BCR: variants seen among roughly 807,000 people sequenced by gnomAD.
BCR encodes BCR activator of RhoGEF and GTPase.
Under a neutral mutation model 138.6 loss-of-function variants are expected in BCR, and 58 were observed. The ratio of observed to expected loss-of-function variants is 0.42; its 90% CI spans 0.34 to 0.52. The LOEUF is 0.52. Ranked by LOEUF, BCR falls within the 20% of genes least tolerant of loss-of-function variation. BCR has a pLI of 0.06. For synonymous variants in BCR, 786 were observed against 730.1 expected (o/e 1.08, Z -1.23); for missense variants, 1,599 against 1,727.2 (o/e 0.93, Z 1.32).
intron 1 of BCR, among the ~76,000 whole-genome samples, chr22:23,224,703 G>A (rs2072867343): frequency 6.6e-6 from 1 of 152,190 alleles, no homozygotes; most frequent in African/African-American, 2.4e-5. Flanking sequence ...CCCACACAGT[G>A]AAACCCTGTC....
chr22:23,268,319 T>C, intron 4 of BCR, 89 bp from the exon 5 acceptor site: 3 of 1,068,862 alleles, frequency 2.8e-6, no homozygotes, highest in Non-Finnish European at 4.0e-6. Flanking sequence ...CCCTGGAGTT[T>C]CTGCAGAGCT....
At chr22:23,230,052 CT>C (rs3054871) in intron 1 of BCR, among the ~76,000 whole-genome samples, 55 of 145,880 alleles carry the variant, frequency 3.8e-4, no homozygotes, top group Non-Finnish European at 3.2e-4. Context: ...CTGTTTGGTT[CT>C]TTTTTTTTTT....
intron 1 of BCR, among the ~76,000 whole-genome samples, chr22:23,246,231 C>A (rs117484242): frequency 0.024 from 3,665 of 152,124 alleles, 69 homozygotes; most frequent in Non-Finnish European, 0.037. Context: ...TCAAGACCAG[C>A]CTAGGCAACA....
At chr22:23,310,748 C>T (rs540177741) in intron 18 of BCR, among the ~76,000 whole-genome samples, 7 of 152,164 alleles carry the variant, frequency 4.6e-5, no homozygotes, top group African/African-American at 1.2e-4. Context: ...CCCTTTGTCA[C>T]GAGTCAGTTG....
intron 1 of BCR, among the ~76,000 whole-genome samples, chr22:23,227,664 C>T (rs2072909962): frequency 6.6e-6 from 1 of 152,236 alleles, no homozygotes; most frequent in Non-Finnish European, 1.5e-5. Context: ...TTTCAGCATT[C>T]TCTCTCCTGT....
At chr22:23,260,668 G>A (rs760296225) in intron 2 of BCR, among the ~76,000 whole-genome samples, 11 of 152,222 alleles carry the variant, frequency 7.2e-5, no homozygotes, top group Non-Finnish European at 1.2e-4. Context: ...GGGAGGCCTG[G>A]CCCAGCCTGC....
At chr22:23,305,726 G>T (rs1225407932) in intron 16 of BCR, among the ~76,000 whole-genome samples, 1 of 152,184 alleles carries the variant, frequency 6.6e-6, no homozygotes, top group Non-Finnish European at 1.5e-5. Flanking sequence ...CCCAGTCCAG[G>T]GGGAGAGGAG....
chr22:23,245,938 G>A (rs936190212), intron 1 of BCR, among the ~76,000 whole-genome samples: 3 of 152,160 alleles, frequency 2.0e-5, no homozygotes, highest in East Asian at 3.9e-4. Context: ...AAACATTTTC[G>A]TCACCCCAGA....
chr22:23,273,936 T>C (rs1040103187), intron 8 of BCR, among the ~76,000 whole-genome samples, 162 bp downstream of exon 8: 2 of 152,242 alleles, frequency 1.3e-5, no homozygotes, highest in African/African-American at 4.8e-5. Flanking sequence ...GGAAGGTGTC[T>C]GGGTGCAGTC....
chr22:23,180,631 G>A lies in BCR; in HGVS notation c.-330G>A, dbSNP rs1381588466. Reference sequence around the variant, plus strand: ...GCTGTGGGGCGGTGCGGAAGCGAGAGGCGAGGAGCGCGCGGGCCGTGGCCA... The same window carrying A: ...GCTGTGGGGCGGTGCGGAAGCGAGAAGCGAGGAGCGCGCGGGCCGTGGCCA... On this transcript the variant is annotated 5_prime_UTR_variant, in exon 1 of 23. Coordinates refer to ENST00000305877, the MANE Select transcript of BCR (RefSeq NM_004327.4). 3 of 167,762 alleles carry A rather than the reference G, an allele frequency of 1.8e-5. No individual in the cohort carries two copies. Among genetic ancestry groups the A allele is most frequent in the South Asian group, 1.7e-4 (1 of 5,934 alleles). 10.4% of individuals were successfully genotyped at this position (167,762 alleles called of 1,614,324 possible). A position where few individuals can be genotyped will look rare whatever the true frequency, so the allele number is the denominator to read the frequency against.
intron 1 of BCR, among the ~76,000 whole-genome samples, chr22:23,216,380 G>C (rs2072752168): frequency 6.6e-6 from 1 of 152,156 alleles, no homozygotes; most frequent in Non-Finnish European, 1.5e-5. Flanking sequence ...TTTTATGGTA[G>C]TATTATGTGA....
chr22:23,315,436 C>G lies in BCR; in HGVS notation c.3730C>G (p.Gln1244Glu), dbSNP rs138076353. The G allele has an allele frequency of 3.8e-5, 62 of 1,613,510 alleles. 1 individual carries two copies. Among genetic ancestry groups the G allele is most frequent in the Middle Eastern group, 1.7e-4 (1 of 5,762 alleles). Residue 1244 changes from glutamine (Q) to glutamate (E), a missense_variant, in exon 23 of 23, where the codon CAG (glutamine) becomes GAG (glutamate). Coordinates refer to ENST00000305877, the MANE Select transcript of BCR (RefSeq NM_004327.4). ...CTTCCCTACTCTGCCCGGGCAGGTC[C>G]AGGTGCTGCTGTACTTCCTGCAGCT... ...SWSLEVMSQV[Q>E]VLLYFLQLEA...
intron 8 of BCR, among the ~76,000 whole-genome samples, chr22:23,275,875 A>T (rs755848536): frequency 6.6e-6 from 1 of 152,188 alleles, no homozygotes; most frequent in African/African-American, 2.4e-5. Flanking sequence ...TCCTGTGCCT[A>T]GTCTGCTCCC....
intron 10 of BCR, among the ~76,000 whole-genome samples, chr22:23,285,438 C>A (rs547356846): frequency 3.3e-5 from 5 of 152,290 alleles, no homozygotes; most frequent in African/African-American, 1.2e-4. Flanking sequence ...CCAACCCAAC[C>A]CTCCAGAAAA....
chr22:23,239,560 G>A (rs1432231182), intron 1 of BCR, among the ~76,000 whole-genome samples: 1 of 152,122 alleles, frequency 6.6e-6, no homozygotes, highest in Non-Finnish European at 1.5e-5. Flanking sequence ...GGGCACTCCT[G>A]GCATGTGGGC....
chr22:23,206,741 G>A (rs1049365237), intron 1 of BCR, among the ~76,000 whole-genome samples: 1 of 152,164 alleles, frequency 6.6e-6, no homozygotes, highest in Non-Finnish European at 1.5e-5. Flanking sequence ...TCCTGAGAAA[G>A]GGGTAGCTGT....
chr22:23,277,948 C>T (rs2073598291), intron 8 of BCR, among the ~76,000 whole-genome samples: 1 of 152,182 alleles, frequency 6.6e-6, no homozygotes, highest in East Asian at 1.9e-4. Context: ...CAGGTGCTGC[C>T]CAAGAGAATG....
At chr22:23,213,347 A>T (rs2072709510) in intron 1 of BCR, among the ~76,000 whole-genome samples, 1 of 152,186 alleles carries the variant, frequency 6.6e-6, no homozygotes, top group Admixed American at 6.5e-5. Flanking sequence ...GCCTCCGTGC[A>T]GGAGTCGGGC....
At chr22:23,207,740 G>T (rs1041855309) in intron 1 of BCR, among the ~76,000 whole-genome samples, 2 of 152,258 alleles carry the variant, frequency 1.3e-5, no homozygotes, top group African/African-American at 2.4e-5. Context: ...CCTGCCACAG[G>T]TTTCTCAGAC....
Sources: allele counts gnomAD v4.1 joint callset (sites outside exome capture counted in the v4.1 genomes callset), GRCh38; gene constraint gnomAD v4.1.1; transcripts MANE v1.5; gene names NCBI Gene and HGNC (gene_info 2026-07-23, HGNC 2026-07-21).